RBFOX1: variants seen among roughly 807,000 people sequenced by gnomAD.
RBFOX1 encodes RNA binding fox-1 homolog 1.
A neutral mutation model predicts 57.7 loss-of-function variants in RBFOX1; 8 were observed. The ratio of observed to expected loss-of-function variants is 0.14; its 90% CI spans 0.08 to 0.25. The LOEUF (loss-of-function observed/expected upper bound fraction) is 0.25, where lower values mean the gene tolerates loss of function less well. Among genes scored for constraint, RBFOX1 ranks in the 10% least tolerant of loss-of-function variants. RBFOX1 has a pLI of 1.00. For synonymous variants in RBFOX1, 326 were observed against 222.4 expected (o/e 1.47, Z -4.15); for missense variants, 611 against 548.5 (o/e 1.11, Z -1.14).
downstream of RBFOX1, among the ~76,000 whole-genome samples, chr16:5,603,726 C>G (rs1340295987): frequency 6.6e-6 from 1 of 152,126 alleles, no homozygotes; most frequent in Non-Finnish European, 1.5e-5. Context: ...TGAAACATAC[C>G]TGTCTTTAAA....
At chr16:5,762,413 G>A (rs1236317080) in intron 3 of RBFOX1, among the ~76,000 whole-genome samples, 2 of 151,704 alleles carry the variant, frequency 1.3e-5, no homozygotes, top group Non-Finnish European at 2.9e-5. Context: ...AGAGGGTTGG[G>A]AGTCAGACAG....
At chr16:6,433,143 A>T (rs997158906) in intron 2 of RBFOX1, among the ~76,000 whole-genome samples, 2 of 152,180 alleles carry the variant, frequency 1.3e-5, no homozygotes, top group African/African-American at 4.8e-5. Flanking sequence ...GTGGGAGTTG[A>T]TGCTGCCTTG....
chr16:7,455,568 G>C (rs969599333), intron 4 of RBFOX1, among the ~76,000 whole-genome samples: 11 of 151,952 alleles, frequency 7.2e-5, no homozygotes, highest in African/African-American at 2.2e-4. Flanking sequence ...GAGGAGGGCA[G>C]ATTTCTTTAG....
At chr16:6,558,658 G>A (rs548758485) in intron 2 of RBFOX1, among the ~76,000 whole-genome samples, 6 of 152,144 alleles carry the variant, frequency 3.9e-5, no homozygotes, top group African/African-American at 1.4e-4. Flanking sequence ...AACCAAAGAT[G>A]GCTAATTAAA....
intron 1 of RBFOX1, among the ~76,000 whole-genome samples, chr16:5,435,194 C>T (rs1210054618): frequency 6.6e-6 from 1 of 152,180 alleles, no homozygotes; most frequent in African/African-American, 2.4e-5. Context: ...GCTCTTGGTG[C>T]TTCTCAAGTA....
At chr16:5,322,994 A>C (rs764716644) in intron 1 of RBFOX1, among the ~76,000 whole-genome samples, 28 of 147,828 alleles carry the variant, frequency 1.9e-4, no homozygotes, top group Non-Finnish European at 3.8e-4. Context: ...GTGGGCTTCA[A>C]AGTCAGACCT....
intron 1 of RBFOX1, among the ~76,000 whole-genome samples, chr16:6,277,060 C>G (rs186898959): frequency 1.0e-3 from 159 of 152,284 alleles, no homozygotes; most frequent in African/African-American, 3.2e-3. Context: ...TGGGTTATCA[C>G]TTTGTAAACT....
At chr16:7,007,583 T>A (rs2093374315) in intron 3 of RBFOX1, among the ~76,000 whole-genome samples, 1 of 152,206 alleles carries the variant, frequency 6.6e-6, no homozygotes, top group Non-Finnish European at 1.5e-5. Flanking sequence ...TTAAACACCC[T>A]CCCATCCTCC....
intron 3 of RBFOX1, among the ~76,000 whole-genome samples, chr16:7,020,308 C>G (rs1381343991): frequency 2.0e-5 from 3 of 152,134 alleles, no homozygotes; most frequent in African/African-American, 7.2e-5. Flanking sequence ...TCACTGCAAC[C>G]TCTGTCCGCC....
chr16:5,744,369 T>A (rs1001394887), intron 3 of RBFOX1, among the ~76,000 whole-genome samples: 5 of 152,204 alleles, frequency 3.3e-5, no homozygotes, highest in Non-Finnish European at 5.9e-5. Flanking sequence ...TAGCTGCTCA[T>A]GGAATCCCTT....
chr16:5,522,366 A>G (rs1252653729), intron 2 of RBFOX1, among the ~76,000 whole-genome samples: 1 of 152,168 alleles, frequency 6.6e-6, no homozygotes, highest in Non-Finnish European at 1.5e-5. Flanking sequence ...CCTGGGGAGC[A>G]TTGAGGAAAC....
intron 4 of RBFOX1, among the ~76,000 whole-genome samples, chr16:7,375,918 G>A (rs2097677927): frequency 6.6e-6 from 1 of 152,164 alleles, no homozygotes; most frequent in Non-Finnish European, 1.5e-5. Context: ...CCCACGTCCT[G>A]CCTTAAATGC....
chr16:5,848,217 A>G (rs1315172184), intron 3 of RBFOX1, among the ~76,000 whole-genome samples: 4 of 152,106 alleles, frequency 2.6e-5, no homozygotes, highest in Admixed American at 6.5e-5. Context: ...TATAAGGTGG[A>G]TATCTTATCC....
intron 3 of RBFOX1, among the ~76,000 whole-genome samples, chr16:5,783,114 C>G (rs149693886): frequency 7.2e-5 from 11 of 152,290 alleles, no homozygotes; most frequent in Non-Finnish European, 1.6e-4. Context: ...GATTAACTGT[C>G]ACACCCTCTT....
At chr16:5,384,522 G>A (rs1376353058) in intron 1 of RBFOX1, among the ~76,000 whole-genome samples, 1 of 152,290 alleles carries the variant, frequency 6.6e-6, no homozygotes, top group Non-Finnish European at 1.5e-5. Flanking sequence ...GCAAGAGTAG[G>A]CCAGGCAGAG....
intron 4 of RBFOX1, among the ~76,000 whole-genome samples, chr16:7,437,255 C>A (rs908910860): frequency 3.7e-5 from 5 of 133,574 alleles, no homozygotes; most frequent in East Asian, 4.3e-4. Flanking sequence ...TCTTTGCCCC[C>A]CCCCCCTTTC....
rs60147004 is a variant in RBFOX1 at position 7,086,016 on chromosome 16, T to G, written c.27+33918T>G. ...GTCAGTTGAGGGCTGTGTTGTTATT[T>G]TCTTACCTCTCTGAGATAGCCAGCT... On this transcript the variant is annotated intron_variant, in intron 4 of 15. Coordinates refer to ENST00000550418, the MANE Select transcript of RBFOX1 (RefSeq NM_018723.4). 3.1e-3 allele frequency among the ~76,000 whole-genome samples: 472 copies of G among 152,284 alleles called. 2 individuals carry two copies. Among genetic ancestry groups the G allele is most frequent in the African/African-American group, 0.011 (457 of 41,556 alleles).
At chr16:6,855,084 A>C (rs896177772) in intron 3 of RBFOX1, among the ~76,000 whole-genome samples, 5 of 152,032 alleles carry the variant, frequency 3.3e-5, no homozygotes, top group Non-Finnish European at 7.4e-5. Context: ...GATGATCCCA[A>C]CAGAAGAGAA....
intron 2 of RBFOX1, among the ~76,000 whole-genome samples, chr16:5,490,673 G>T (rs1044904569): frequency 6.6e-6 from 1 of 152,132 alleles, no homozygotes; most frequent in Non-Finnish European, 1.5e-5. Context: ...TCTGCAGACC[G>T]CCCGGAAACT....
Sources: allele counts gnomAD v4.1 joint callset (sites outside exome capture counted in the v4.1 genomes callset), GRCh38; gene constraint gnomAD v4.1.1; transcripts MANE v1.5; gene names NCBI Gene and HGNC (gene_info 2026-07-23, HGNC 2026-07-21).